NVL: variants seen among roughly 807,000 people sequenced by gnomAD.
The protein encoded by NVL is nuclear valosin-containing protein-like.
In NVL, 84 loss-of-function variants were observed where a neutral mutation model predicts 110.2. That is an observed-to-expected ratio of 0.76 (90% CI 0.64 to 0.91). The LOEUF (loss-of-function observed/expected upper bound fraction) is 0.91. NVL is among the 40% of genes least tolerant of loss of function. NVL has a pLI of 0.00. For synonymous variants in NVL, 354 were observed against 361.1 expected (o/e 0.98, Z 0.22); for missense variants, 882 against 1,035.9 (o/e 0.85, Z 2.04).
intron 19 of NVL, among the ~76,000 whole-genome samples, chr1:224,239,054 G>A (rs1269391565): frequency 6.6e-6 from 1 of 152,156 alleles, no homozygotes; most frequent in Non-Finnish European, 1.5e-5. Flanking sequence ...TAGACTTGGA[G>A]TGTTCTCTTT....
At chr1:224,303,185 A>C (rs1308525779) in intron 9 of NVL, among the ~76,000 whole-genome samples, 3 of 152,234 alleles carry the variant, frequency 2.0e-5, no homozygotes, top group Non-Finnish European at 4.4e-5. Flanking sequence ...CTGTAATCCT[A>C]GCACTTTGGG....
chr1:224,289,469 C>T lies in NVL; in HGVS notation c.1575+15G>A. 6.2e-7 allele frequency: 1 copy of T among 1,613,282 alleles called. No individual in the cohort carries two copies. Among genetic ancestry groups the T allele is most frequent in the Non-Finnish European group, 8.5e-7 (1 of 1,179,716 alleles). Reference sequence around the variant, plus strand: ...ACATTAAAAGGACAATTTAAGGTGCCTTTAGAGAAAGCACCTGTGTTTCAG... The same window carrying T: ...ACATTAAAAGGACAATTTAAGGTGCTTTTAGAGAAAGCACCTGTGTTTCAG... On this transcript the variant is annotated intron_variant, in intron 13 of 22. Coordinates refer to ENST00000281701, the MANE Select transcript of NVL (RefSeq NM_002533.4).
chr1:224,301,168 T>G (rs866335879), intron 9 of NVL, among the ~76,000 whole-genome samples: 30 of 152,310 alleles, frequency 2.0e-4, no homozygotes, highest in Middle Eastern at 3.4e-3. Flanking sequence ...TCAACTTGTT[T>G]TTATTTTATA....
intron 22 of NVL, among the ~76,000 whole-genome samples, chr1:224,230,202 G>C (rs189666130): frequency 2.0e-4 from 30 of 152,282 alleles, no homozygotes; most frequent in Non-Finnish European, 3.5e-4. Flanking sequence ...AAATGTATGG[G>C]TAAGTCCCTA....
chr1:224,300,439 T>A (rs913567810), intron 10 of NVL, 123 bp downstream of exon 10: 2 of 592,234 alleles, frequency 3.4e-6, no homozygotes, highest in Non-Finnish European at 5.9e-6. Flanking sequence ...CAAATTACCA[T>A]GTTTATATTA....
At chr1:224,281,316 A>T (rs1002168177) in intron 15 of NVL, 131 bp from the exon 16 acceptor site, 38 of 593,598 alleles carry the variant, frequency 6.4e-5, no homozygotes, top group Non-Finnish European at 1.0e-4. Flanking sequence ...TGTGTGTGAG[A>T]TTTAGATGGA....
intron 22 of NVL, among the ~76,000 whole-genome samples, chr1:224,229,151 C>G (rs915169543): frequency 7.3e-5 from 11 of 151,176 alleles, no homozygotes; most frequent in Non-Finnish European, 1.2e-4. Context: ...AAAAAATTAG[C>G]CGGGTGTGGT....
intron 12 of NVL, 118 bp from the exon 13 acceptor site, chr1:224,289,851 A>G (rs978015286): frequency 8.3e-6 from 7 of 846,180 alleles, no homozygotes; most frequent in African/African-American, 3.4e-5. Context: ...TGGATACTAT[A>G]TAAGATCAAA....
In NVL at chr1:224,294,263, A is replaced by G. The variant is rs1667654888; in HGVS notation, c.1325+4T>C. 1 of 1,614,142 alleles carries G rather than the reference A, an allele frequency of 6.2e-7. No homozygotes were observed. The highest frequency in any genetic ancestry group is 1.3e-5 in the African/African-American group (1 of 75,056). On this transcript the variant is annotated splice_donor_region_variant and intron_variant, in intron 12 of 22. Coordinates refer to ENST00000281701, the MANE Select transcript of NVL (RefSeq NM_002533.4). ...CATACAAACTTCATTCTATAAGAATATACCTTTCCCTGGATGCTTCATCTG... is the reference window on the plus strand; with the variant it reads ...CATACAAACTTCATTCTATAAGAATGTACCTTTCCCTGGATGCTTCATCTG...
At position 224,300,612 on chromosome 1, in the gene NVL, C is replaced by T; in HGVS notation, c.1012G>A (p.Val338Ile). 1 of 1,614,118 alleles carries T rather than the reference C, an allele frequency of 6.2e-7. No homozygotes were observed. The highest frequency in any genetic ancestry group is 8.5e-7 in the Non-Finnish European group (1 of 1,179,986). The change falls in exon 10 of 23, where the codon GTA (valine) becomes ATA (isoleucine). Residue 338 changes from valine (V) to isoleucine (I), a missense_variant. Physicochemically the swap from Val to Ile is conservative, Grantham distance 29. Transcript: ENST00000281701. ...AGCTTCTGCTCAGACTCTCCGGATA[C>T]TCCAGACACAATCTCTGGAGCAGCC... is the stretch of plus-strand genomic sequence containing the variant. Reference protein sequence around the residue: ...KVAAPEIVSGVSGESEQKLRE... With the variant: ...KVAAPEIVSGISGESEQKLRE...
chr1:224,296,511 G>A lies in NVL; in HGVS notation c.1170C>T (p.Thr390=), dbSNP rs1209145933. The change falls in exon 11 of 23, where the codon ACC becomes ACT. Residue 390 remains threonine, a synonymous_variant. Coordinates refer to ENST00000281701, the MANE Select transcript of NVL (RefSeq NM_002533.4). Reference sequence around the variant, plus strand: ...TTATTTTAAACTAACCATCCATGCAGGTTAGGAGTTGGGCTACAATTCTTC... The same window carrying A: ...TTATTTTAAACTAACCATCCATGCAAGTTAGGAGTTGGGCTACAATTCTTC... The part of the protein sequence containing the change: ...MERRIVAQLL[T]CMDDLNNVAA... 1.9e-6 allele frequency: 3 copies of A among 1,577,756 alleles called. No homozygotes were observed. Among genetic ancestry groups the A allele is most frequent in the Non-Finnish European group, 1.7e-6 (2 of 1,155,136 alleles).
chr1:224,268,629 C>A (rs1261134405), intron 17 of NVL, among the ~76,000 whole-genome samples: 1 of 150,650 alleles, frequency 6.6e-6, no homozygotes, highest in Admixed American at 6.7e-5. Flanking sequence ...AGCCGCTGCA[C>A]CCCACCAAGA....
intron 16 of NVL, among the ~76,000 whole-genome samples, chr1:224,276,590 T>C (rs765016547): frequency 1.5e-4 from 23 of 152,204 alleles, no homozygotes; most frequent in Admixed American, 3.3e-4. Context: ...TATATGGCCA[T>C]ACTAAATAAT....
intron 10 of NVL, among the ~76,000 whole-genome samples, chr1:224,298,022 G>T (rs1668038087): frequency 1.4e-5 from 2 of 143,610 alleles, no homozygotes; most frequent in Admixed American, 1.4e-4. Context: ...GGACAACAGA[G>T]AGATACTCCA....
At chr1:224,243,754 C>T (rs1271186030) in intron 19 of NVL, among the ~76,000 whole-genome samples, 2 of 151,058 alleles carry the variant, frequency 1.3e-5, no homozygotes, top group African/African-American at 2.4e-5. Flanking sequence ...CTCCACCTCC[C>T]GGGTTCAAGA....
At chr1:224,283,712 A>T (rs1666596727) in intron 15 of NVL, among the ~76,000 whole-genome samples, 1 of 152,208 alleles carries the variant, frequency 6.6e-6, no homozygotes, top group East Asian at 1.9e-4. Flanking sequence ...CATGAAAGGG[A>T]AGTGCATTGA....
chr1:224,293,876 C>T (rs1453298250), intron 12 of NVL, among the ~76,000 whole-genome samples: 1 of 152,234 alleles, frequency 6.6e-6, no homozygotes, highest in Non-Finnish European at 1.5e-5. Flanking sequence ...CACAGTGACA[C>T]AATCATAACT....
intron 21 of NVL, chr1:224,232,907 A>C: frequency 3.9e-6 from 1 of 254,986 alleles, no homozygotes; most frequent in South Asian, 1.6e-4. Context: ...TAGCAAAAGA[A>C]TACGTTTTTC....
In NVL at chr1:224,250,268, A is replaced by T; in HGVS notation, c.2233T>A (p.Phe745Ile). The T allele has an allele frequency of 6.2e-7, 1 of 1,607,950 alleles. No individual in the cohort carries two copies. Among genetic ancestry groups the T allele is most frequent in the Non-Finnish European group, 8.5e-7 (1 of 1,177,716 alleles). The change falls in exon 19 of 23, where the codon TTT becomes ATT. Residue 745 changes from phenylalanine to isoleucine, a missense_variant. Physicochemically the swap from Phe to Ile is conservative, Grantham distance 21. Coordinates refer to ENST00000281701, the MANE Select transcript of NVL (RefSeq NM_002533.4). The part of the protein sequence containing the change: ...LRPGRLDKTL[F>I]VGLPPPADRL... ...TCTGCAGGGGGCGGTAAACCCACAA[A>T]CAGTGTTTTGTCCAGGCGGCCCGGG... is the stretch of plus-strand genomic sequence containing the variant.
Sources: allele counts gnomAD v4.1 joint callset (sites outside exome capture counted in the v4.1 genomes callset), GRCh38; gene constraint gnomAD v4.1.1; transcripts MANE v1.5; gene names NCBI Gene and HGNC (gene_info 2026-07-23, HGNC 2026-07-21).